Variants in LIPA observed in about 807,000 individuals in gnomAD.
LIPA encodes lysosomal acid lipase/cholesteryl ester hydrolase.
In LIPA, 26 loss-of-function variants were observed where a neutral mutation model predicts 40.6. The observed-to-expected ratio is 0.64, with a 90% confidence interval of 0.47 to 0.89. The LOEUF is 0.89. Among genes scored for constraint, LIPA ranks in the 40% least tolerant of loss-of-function variants. The probability of loss-of-function intolerance (pLI) is 0.00; values close to 1 mark genes in which losing one functional copy is unlikely to be tolerated. For missense variants in LIPA, 455 were observed against 479.6 expected, an observed-to-expected ratio of 0.95 and a Z score of 0.48; for synonymous variants, 188 against 168.4, an observed-to-expected ratio of 1.12 and a Z score of -0.90.
chr10:89,413,110 G>C (rs960519782), intron 1 of LIPA, among the ~76,000 whole-genome samples: 1 of 152,038 alleles, frequency 6.6e-6, no homozygotes, highest in Non-Finnish European at 1.5e-5. Context: ...TGCAGTGTTT[G>C]GTTTCTGTTC....
rs534780882 is a variant in LIPA, at chr10:89,332,097, G to A, written c.-2+10514C>T. 5.3e-5 allele frequency among the ~76,000 whole-genome samples: 8 copies of A among 152,234 alleles called. No individual in the cohort carries two copies. In the South Asian group the frequency reaches 1.7e-3, roughly 32 times the overall value. On this transcript the variant is annotated intron_variant, in intron 1 of 5. Transcript: ENST00000282673. ...AATACAAAAATTATCCAGGCATGGT[G>A]GTGCACGTCTGTAATCCCAGCTACT...
chr10:89,375,828 G>A (rs1192945563), intron 2 of LIPA, among the ~76,000 whole-genome samples: 2 of 152,118 alleles, frequency 1.3e-5, no homozygotes, highest in African/African-American at 2.4e-5. Context: ...CATTACTTAA[G>A]TAATGTTGAG....
At chr10:89,291,593 T>C (rs921560749) in intron 1 of LIPA, among the ~76,000 whole-genome samples, 14 of 152,186 alleles carry the variant, frequency 9.2e-5, no homozygotes, top group Non-Finnish European at 1.8e-4. Flanking sequence ...AGGAGTCACA[T>C]ACTGACCTTT....
At chr10:89,389,975 CTTTTTTTTTTTTT>C (rs56947144) in intron 2 of LIPA, among the ~76,000 whole-genome samples, 1 of 80,342 alleles carries the variant, frequency 1.2e-5, no homozygotes, top group Admixed American at 1.5e-4. Flanking sequence ...AGATTTCTTT[CTTTTTTTTTTTTT>C]TTTTTTTTTT....
At chr10:89,377,212 T>C (rs771812079) in intron 2 of LIPA, among the ~76,000 whole-genome samples, 1 of 152,224 alleles carries the variant, frequency 6.6e-6, no homozygotes, top group Non-Finnish European at 1.5e-5. Context: ...TTTGATTGAC[T>C]CTCTGATGGT....
At chr10:89,382,416 A>G (rs1844170011) in intron 2 of LIPA, among the ~76,000 whole-genome samples, 2 of 152,364 alleles carry the variant, frequency 1.3e-5, no homozygotes, top group South Asian at 2.1e-4. Flanking sequence ...TAGGGAGACT[A>G]GGACTTCAGT....
chr10:89,271,758 G>A (rs1321969439), intron 1 of LIPA, among the ~76,000 whole-genome samples: 1 of 152,210 alleles, frequency 6.6e-6, no homozygotes, highest in African/African-American at 2.4e-5. Flanking sequence ...TATGGAACAG[G>A]TGGTAAAAGA....
intron 1 of LIPA, among the ~76,000 whole-genome samples, chr10:89,298,294 G>A (rs1843426944): frequency 1.3e-5 from 2 of 152,294 alleles, no homozygotes; most frequent in South Asian, 4.1e-4. Context: ...TCAACCCACT[G>A]CTGCCACCAC....
chr10:89,293,608 G>A (rs1323700673), intron 1 of LIPA: 1 of 151,962 alleles, frequency 6.6e-6, no homozygotes, highest in Non-Finnish European at 1.5e-5. Flanking sequence ...GGTTTCTGGT[G>A]AGACCTCTCT....
upstream of LIPA, among the ~76,000 whole-genome samples, chr10:89,343,511 T>C (rs560577452): frequency 1.8e-4 from 28 of 152,296 alleles, 1 homozygote; most frequent in South Asian, 5.4e-3. Flanking sequence ...CATGGTTCAC[T>C]CCAGGGGAGA....
intron 2 of LIPA, among the ~76,000 whole-genome samples, chr10:89,398,428 C>T (rs1044107057): frequency 2.0e-5 from 3 of 152,198 alleles, no homozygotes; most frequent in Non-Finnish European, 4.4e-5. Context: ...TCCAGCTTCT[C>T]GGGGATGTTC....
At chr10:89,284,563 G>T (rs2133500459) in intron 1 of LIPA, 1 of 152,138 alleles carries the variant, frequency 6.6e-6, no homozygotes, top group Admixed American at 6.5e-5. Context: ...AATCATGAAA[G>T]ATTTTTCTCA....
chr10:89,300,295 G>C (rs1843437473), intron 1 of LIPA, among the ~76,000 whole-genome samples: 1 of 152,106 alleles, frequency 6.6e-6, no homozygotes, highest in African/African-American at 2.4e-5. Context: ...TGAGAGTTAG[G>C]TTATGGGTAC....
At chr10:89,253,465 A>G (rs1402280004), upstream of LIPA, among the ~76,000 whole-genome samples, 1 of 152,218 alleles carries the variant, frequency 6.6e-6, no homozygotes, top group African/African-American at 2.4e-5. Context: ...TATGGGCTAG[A>G]CTGCCCCCAT....
chr10:89,220,175 G>A (rs183599310), intron 8 of LIPA, among the ~76,000 whole-genome samples: 1 of 152,212 alleles, frequency 6.6e-6, no homozygotes, highest in Non-Finnish European at 1.5e-5. Context: ...CATTCCCAAG[G>A]GCCTCTGACA....
intron 1 of LIPA, chr10:89,339,469 CCAAA>C (rs766729922): frequency 3.7e-6 from 6 of 1,613,932 alleles, no homozygotes; most frequent in Middle Eastern, 1.6e-4. Context: ...GGAATCCACA[CCAAA>C]CAATGGCTAC....
intron 2 of LIPA, among the ~76,000 whole-genome samples, chr10:89,363,911 G>A (rs991893174): frequency 2.0e-5 from 3 of 152,106 alleles, no homozygotes; most frequent in Admixed American, 6.5e-5. Flanking sequence ...CTGATGAGGA[G>A]AGTTTGAATC....
intron 1 of LIPA, among the ~76,000 whole-genome samples, chr10:89,263,783 C>G (rs570194752): frequency 6.6e-6 from 1 of 152,246 alleles, no homozygotes; most frequent in African/African-American, 2.4e-5. Context: ...CCAGATCCCA[C>G]GCCTCCAAGG....
intron 1 of LIPA, among the ~76,000 whole-genome samples, chr10:89,296,015 C>T (rs1406429007): frequency 1.3e-5 from 2 of 152,196 alleles, no homozygotes; most frequent in Non-Finnish European, 2.9e-5. Flanking sequence ...ATGGCAAAAC[C>T]TTTCTCTATG....
Sources: gnomAD v4.1 joint callset for allele counts (sites outside exome capture counted in the v4.1 genomes callset) on GRCh38, gnomAD v4.1.1 for gene constraint, MANE v1.5 for transcripts, NCBI Gene and HGNC (gene_info 2026-07-23, HGNC 2026-07-21) for gene names.